NHSL1: variants seen among roughly 807,000 people sequenced by gnomAD.
The protein encoded by NHSL1 is NHS-like protein 1.
Under a neutral mutation model 95.0 loss-of-function variants are expected in NHSL1, and 48 were observed. That is an observed-to-expected ratio of 0.51 (90% CI 0.40 to 0.64). The LOEUF is 0.64. NHSL1 is among the 30% of genes least tolerant of loss of function. The pLI, the probability that NHSL1 is intolerant of heterozygous loss-of-function variation, is 0.00. For synonymous variants in NHSL1, 783 were observed against 833.9 expected, an observed-to-expected ratio of 0.94 and a Z score of 1.05; for missense variants, 1,971 against 2,077.7, an observed-to-expected ratio of 0.95 and a Z score of 1.00.
intron 1 of NHSL1, among the ~76,000 whole-genome samples, chr6:138,569,671 A>G (rs1783750259): frequency 6.6e-6 from 1 of 152,168 alleles, no homozygotes; most frequent in South Asian, 2.1e-4. Context: ...TCACTTCTGT[A>G]TTTCTCCAAA....
rs1780263748 is a variant in NHSL1 at position 138,494,947 on chromosome 6, TCAA to T, written c.211+1269_211+1271del. ...CTTGCCACACATTTACTTTTTAACA[TCAA>T]CAATAAATTGGGCCGGGTGCAGTGG... On this transcript the variant is annotated intron_variant, in intron 2 of 7. Transcript: ENST00000343505. Among the ~76,000 whole-genome samples the T allele has an allele frequency of 2.0e-5, 3 of 152,256 alleles. No homozygotes were observed. The South Asian group carries it at 6.2e-4, about 32-fold the overall frequency.
chr6:138,569,013 T>C (rs1174105546), intron 1 of NHSL1, among the ~76,000 whole-genome samples: 1 of 152,180 alleles, frequency 6.6e-6, no homozygotes, highest in Non-Finnish European at 1.5e-5. Flanking sequence ...TCCACACTGA[T>C]GGTAGGAGCT....
intron 1 of NHSL1, among the ~76,000 whole-genome samples, chr6:138,641,673 T>C (rs1226841002): frequency 2.0e-5 from 3 of 151,576 alleles, no homozygotes; most frequent in Admixed American, 6.6e-5. Context: ...CTCCTCTGCT[T>C]TCAGTATGCC....
At chr6:138,475,652 A>G (rs1026220889) in intron 2 of NHSL1, among the ~76,000 whole-genome samples, 6 of 152,176 alleles carry the variant, frequency 3.9e-5, no homozygotes, top group African/African-American at 1.4e-4. Context: ...AATGGCTACA[A>G]TTAAAAAGCA....
At chr6:138,657,833 A>AAAAG (rs1562404624) in intron 1 of NHSL1, among the ~76,000 whole-genome samples, 78 of 148,240 alleles carry the variant, frequency 5.3e-4, no homozygotes, top group African/African-American at 1.7e-3. Flanking sequence ...AAAAAAAAAA[A>AAAAG]AAAGAAAGAA....
At chr6:138,520,784 G>T (rs1366265245) in intron 1 of NHSL1, among the ~76,000 whole-genome samples, 1 of 152,200 alleles carries the variant, frequency 6.6e-6, no homozygotes, top group African/African-American at 2.4e-5. Flanking sequence ...TTTGGCCACT[G>T]TGTGGAGAAC....
intron 1 of NHSL1, among the ~76,000 whole-genome samples, chr6:138,541,983 C>T (rs377008582): frequency 6.6e-5 from 10 of 152,310 alleles, no homozygotes; most frequent in South Asian, 2.1e-4. Flanking sequence ...GGTTGAATAG[C>T]GTCCTCCCAA....
intron 3 of NHSL1, among the ~76,000 whole-genome samples, chr6:138,452,189 G>A (rs1315514876): frequency 6.6e-6 from 1 of 152,276 alleles, no homozygotes; most frequent in East Asian, 1.9e-4. Flanking sequence ...GATTCCTTGT[G>A]TCAAATTGTT....
intron 1 of NHSL1, among the ~76,000 whole-genome samples, chr6:138,566,819 G>C (rs80210705): frequency 0.088 from 13,373 of 151,986 alleles, 959 homozygotes; most frequent in African/African-American, 0.2. Flanking sequence ...AGTCTCAATG[G>C]ACCAGAGAAA....
At chr6:138,539,390 T>G (rs897221067) in intron 1 of NHSL1, among the ~76,000 whole-genome samples, 2 of 152,146 alleles carry the variant, frequency 1.3e-5, no homozygotes, top group African/African-American at 2.4e-5. Flanking sequence ...CTGTACCTGG[T>G]TAATGGTGGT....
At chr6:138,527,177 G>A (rs917268020) in intron 1 of NHSL1, among the ~76,000 whole-genome samples, 1 of 152,016 alleles carries the variant, frequency 6.6e-6, no homozygotes, top group Admixed American at 6.6e-5. Context: ...CAAGACCAGC[G>A]CTGGGAGGCT....
chr6:138,465,870 C>T (rs1267620576), intron 3 of NHSL1, among the ~76,000 whole-genome samples: 3 of 151,348 alleles, frequency 2.0e-5, no homozygotes, highest in Non-Finnish European at 4.4e-5. Flanking sequence ...ATTACAGGTG[C>T]CTGCCACCAT....
At chr6:138,462,446 C>T (rs1297952999) in intron 3 of NHSL1, among the ~76,000 whole-genome samples, 1 of 152,326 alleles carries the variant, frequency 6.6e-6, no homozygotes, top group Non-Finnish European at 1.5e-5. Flanking sequence ...GAGAACATCA[C>T]CAAGCTATTC....
chr6:138,431,527 ATG>A lies in NHSL1; in HGVS notation c.2816_2817del (p.Pro939LeufsTer48). 1 of 1,550,412 alleles carries A rather than the reference ATG, an allele frequency of 6.4e-7. No individual in the cohort carries two copies. Among genetic ancestry groups the A allele is most frequent in the Non-Finnish European group, 8.7e-7 (1 of 1,146,254 alleles). ...APPPPPVPSP[P>X]FPCPADRSPF... ...GGAGACCTGTCTGCAGGACAAGGGA[ATG>A]GAGGAGAGGGAACAGGAGGAGGAGG... On this transcript the variant is annotated frameshift_variant, in exon 6 of 8. Coordinates refer to ENST00000343505, the MANE Select transcript of NHSL1 (RefSeq NM_001144060.2). LOFTEE classifies it high-confidence loss of function. This position sits in a 1 kb window ranked among gnomAD's most constrained non-coding sequence, Gnocchi z 4.0.
chr6:138,603,854 C>A (rs1326149285), intron 1 of NHSL1, among the ~76,000 whole-genome samples: 2 of 151,874 alleles, frequency 1.3e-5, no homozygotes, highest in Non-Finnish European at 1.5e-5. Flanking sequence ...ATACCTGTAC[C>A]AACCACATAT....
intron 1 of NHSL1, among the ~76,000 whole-genome samples, chr6:138,607,958 C>G (rs1331147741): frequency 6.6e-6 from 1 of 152,186 alleles, no homozygotes; most frequent in Non-Finnish European, 1.5e-5. Context: ...GTGGCATTCC[C>G]ATGCACCCCA....
intron 1 of NHSL1, among the ~76,000 whole-genome samples, chr6:138,652,658 G>A (rs1021280417): frequency 5.3e-4 from 81 of 152,046 alleles, no homozygotes; most frequent in African/African-American, 1.8e-3. Context: ...AACACACACT[G>A]CAAAACAAAT....
chr6:138,510,560 TA>T (rs1314300141), intron 1 of NHSL1, among the ~76,000 whole-genome samples: 1 of 152,178 alleles, frequency 6.6e-6, no homozygotes, highest in Non-Finnish European at 1.5e-5. Flanking sequence ...GCATGAGTGC[TA>T]CAAGGGTTTT....
At chr6:138,449,492 T>C (rs1777091183) in intron 3 of NHSL1, among the ~76,000 whole-genome samples, 1 of 151,902 alleles carries the variant, frequency 6.6e-6, no homozygotes, top group South Asian at 2.1e-4. Context: ...CTGGCCAAAA[T>C]GGTGAAATCC....
Sources: gnomAD v4.1 joint callset for allele counts (sites outside exome capture counted in the v4.1 genomes callset) on GRCh38, gnomAD v4.1.1 for gene constraint, Gnocchi (gnomAD v3.1) non-coding constraint, MANE v1.5 for transcripts, NCBI Gene and HGNC (gene_info 2026-07-23, HGNC 2026-07-21) for gene names.